Variants in TMTC2 observed in about 807,000 individuals in gnomAD.
TMTC2 encodes transmembrane O-mannosyltransferase targeting cadherins 2.
A neutral mutation model predicts 82.4 loss-of-function variants in TMTC2; 43 were observed. The observed-to-expected ratio is 0.52, with a 90% CI of 0.41 to 0.67. The LOEUF is 0.67. Ranked by LOEUF, TMTC2 falls within the 30% of genes least tolerant of loss-of-function variation. The pLI is 0.00. For synonymous variants in TMTC2, 408 were observed against 381.9 expected (o/e 1.07, Z -0.80); for missense variants, 919 against 1,012.4 (o/e 0.91, Z 1.25).
rs538241323 is a variant in TMTC2 at position 82,936,168 on chromosome 12, C to T, written c.1598+5623C>T. Reference sequence around the variant, plus strand: ...AAAATATTAATGGTCAATATTGGCCCAAGAAAAGATGGGCAATCTCAATCA... The same window carrying T: ...AAAATATTAATGGTCAATATTGGCCTAAGAAAAGATGGGCAATCTCAATCA... On this transcript the variant is annotated intron_variant, in intron 4 of 11. Transcript: ENST00000321196. Among the ~76,000 whole-genome samples, 20 of 151,880 alleles carry T rather than the reference C, an allele frequency of 1.3e-4. No homozygotes were observed. In the South Asian group the frequency reaches 3.7e-3, roughly 28 times the overall value.
chr12:82,717,368 G>A (rs1286384783), intron 1 of TMTC2, among the ~76,000 whole-genome samples: 1 of 151,898 alleles, frequency 6.6e-6, no homozygotes, highest in Non-Finnish European at 1.5e-5. Context: ...GGAATTACAG[G>A]TGCTCACCAC....
At position 83,115,521 on chromosome 12, in the gene TMTC2, A is replaced by G. The variant is rs548793406; in HGVS notation, c.2332-16689A>G. Among the ~76,000 whole-genome samples, 4 of 152,302 alleles carry G rather than the reference A, an allele frequency of 2.6e-5. No individual in the cohort carries two copies. In the South Asian group the frequency reaches 8.3e-4, roughly 32 times the overall value. ...AGATATCTTCTTATATAGAACTTTT[A>G]TTTAGCAGTTTTACTTCAAATGATG... On this transcript the variant is annotated intron_variant, in intron 11 of 11. Coordinates refer to ENST00000321196, the MANE Select transcript of TMTC2 (RefSeq NM_152588.3).
At chr12:82,750,389 G>A (rs1452400590) in intron 1 of TMTC2, among the ~76,000 whole-genome samples, 1 of 152,086 alleles carries the variant, frequency 6.6e-6, no homozygotes, top group East Asian at 1.9e-4. Flanking sequence ...TTTTTGAGAA[G>A]TGACCTCAGG....
intron 1 of TMTC2, among the ~76,000 whole-genome samples, chr12:82,855,668 A>G (rs992767114): frequency 1.2e-4 from 19 of 152,232 alleles, no homozygotes; most frequent in African/African-American, 4.3e-4. Flanking sequence ...CTGGGAGGAT[A>G]GTGGCACAGA....
intron 11 of TMTC2, among the ~76,000 whole-genome samples, chr12:83,076,437 T>C (rs1031661667): frequency 1.3e-5 from 2 of 152,224 alleles, no homozygotes; most frequent in African/African-American, 4.8e-5. Context: ...CATGGAGTTA[T>C]AGCTATAATT....
At chr12:82,910,316 C>A (rs564256269) in intron 3 of TMTC2, among the ~76,000 whole-genome samples, 3 of 152,164 alleles carry the variant, frequency 2.0e-5, no homozygotes, top group African/African-American at 7.2e-5. Flanking sequence ...CCTCACAGCG[C>A]GTGTGAAGAG....
intron 3 of TMTC2, among the ~76,000 whole-genome samples, chr12:82,927,094 G>C (rs1179882768): frequency 6.6e-6 from 1 of 152,156 alleles, no homozygotes; most frequent in Admixed American, 6.5e-5. Flanking sequence ...TTTTTGTAAG[G>C]ATGTAGCTTC....
chr12:82,821,602 C>T (rs12297193), intron 1 of TMTC2, among the ~76,000 whole-genome samples: 5,615 of 151,940 alleles, frequency 0.037, 329 homozygotes, highest in African/African-American at 0.13. Context: ...ATGTGGTAGG[C>T]GCATAGGAGT....
intron 3 of TMTC2, among the ~76,000 whole-genome samples, chr12:82,903,680 C>G (rs1045128246): frequency 6.6e-6 from 1 of 151,984 alleles, no homozygotes; most frequent in Non-Finnish European, 1.5e-5. Flanking sequence ...CCCAAAGTGC[C>G]GGGATTACAG....
intron 1 of TMTC2, among the ~76,000 whole-genome samples, chr12:82,756,322 T>G (rs1876322897): frequency 6.6e-6 from 1 of 152,210 alleles, no homozygotes; most frequent in African/African-American, 2.4e-5. Context: ...ACAGATAATG[T>G]CCTTGATTAG....
At chr12:82,906,057 C>T (rs756781006) in intron 3 of TMTC2, among the ~76,000 whole-genome samples, 1 of 151,624 alleles carries the variant, frequency 6.6e-6, no homozygotes, top group Non-Finnish European at 1.5e-5. Flanking sequence ...GGTTCTATTT[C>T]AATTTAACAT....
At chr12:82,827,898 T>C (rs1869513067) in intron 1 of TMTC2, among the ~76,000 whole-genome samples, 1 of 150,796 alleles carries the variant, frequency 6.6e-6, no homozygotes, top group Admixed American at 6.6e-5. Context: ...GTTTTCTTTT[T>C]TTTTTTTCTT....
chr12:82,833,908 C>T lies in TMTC2; in HGVS notation c.84-23102C>T, dbSNP rs533365498. Among the ~76,000 whole-genome samples, 21 of 152,224 alleles carry T rather than the reference C, an allele frequency of 1.4e-4. No individual in the cohort carries two copies. In the Middle Eastern group the frequency reaches 0.014, roughly 99 times the overall value. ...ACTGTACCAACAGATGATAATTACC[C>T]AGTAGATCTCTTTAAAATGATTTTC... On this transcript the variant is annotated intron_variant, in intron 1 of 11. Coordinates refer to ENST00000321196, the MANE Select transcript of TMTC2 (RefSeq NM_152588.3).
rs1433114039 is a variant in TMTC2 at position 83,086,038 on chromosome 12, G to A, written c.2331+24207G>A. 2.0e-5 allele frequency among the ~76,000 whole-genome samples: 3 copies of A among 151,882 alleles called. No homozygotes were observed. The East Asian group carries it at 5.8e-4, about 29-fold the overall frequency. On this transcript the variant is annotated intron_variant, in intron 11 of 11. Coordinates refer to ENST00000321196, the MANE Select transcript of TMTC2 (RefSeq NM_152588.3). ...GAACTTTTAGCCTATTGAGACCTAA[G>A]TCTTATCAGACACTCTGATTGTTTT...
intron 11 of TMTC2, among the ~76,000 whole-genome samples, chr12:83,091,042 A>G (rs955359421): frequency 6.6e-6 from 1 of 152,186 alleles, no homozygotes; most frequent in Non-Finnish European, 1.5e-5. Context: ...TTTGTTAATC[A>G]CTGCAACCAG....
intron 1 of TMTC2, among the ~76,000 whole-genome samples, chr12:82,750,992 G>A (rs917964044): frequency 5.9e-5 from 9 of 152,140 alleles, no homozygotes; most frequent in African/African-American, 2.2e-4. Flanking sequence ...TTCAGAGCCT[G>A]CAACCTTTAT....
rs531789887 is a variant in TMTC2 at position 83,020,180 on chromosome 12, G to A, written c.2071-10618G>A. Among the ~76,000 whole-genome samples the A allele has an allele frequency of 9.9e-5, 15 of 152,274 alleles. No homozygotes were observed. In the South Asian group the frequency reaches 2.9e-3, roughly 29 times the overall value. On this transcript the variant is annotated intron_variant, in intron 8 of 11. Transcript: ENST00000321196. ...ATCGATTGTGTTTGTCATACTCTTA[G>A]CACCGGAAGTTTTTCGTGCTTCGTT...
chr12:82,801,999 C>A (rs895899419), intron 1 of TMTC2, among the ~76,000 whole-genome samples: 1 of 152,042 alleles, frequency 6.6e-6, no homozygotes, highest in African/African-American at 2.4e-5. Flanking sequence ...CACGGGGGCA[C>A]AGGTGGAGCT....
At chr12:83,037,556 A>G (rs1434933993) in intron 9 of TMTC2, among the ~76,000 whole-genome samples, 4 of 152,230 alleles carry the variant, frequency 2.6e-5, no homozygotes, top group African/African-American at 9.6e-5. Flanking sequence ...TAAGAAGAGC[A>G]TCAGCAATAC....
Sources: allele counts gnomAD v4.1 joint callset (sites outside exome capture counted in the v4.1 genomes callset), GRCh38; gene constraint gnomAD v4.1.1; transcripts MANE v1.5; gene names NCBI Gene and HGNC (gene_info 2026-07-23, HGNC 2026-07-21).